The following RNF141 variants were observed in gnomAD, a reference collection of about 807,000 sequenced individuals.
RNF141 encodes the protein C3HC4-like zinc finger protein.
A neutral mutation model predicts 27.4 loss-of-function variants in RNF141; 18 were observed. The ratio of observed to expected loss-of-function variants is 0.66; its 90% CI spans 0.45 to 0.97. The LOEUF (loss-of-function observed/expected upper bound fraction) is 0.97. Among genes scored for constraint, RNF141 ranks in the 50% least tolerant of loss-of-function variants. The pLI, the probability that RNF141 is intolerant of heterozygous loss-of-function variation, is 0.00. For missense variants in RNF141, 230 were observed against 279.4 expected, an observed-to-expected ratio of 0.82 and a Z score of 1.26; for synonymous variants, 97 against 96.6, an observed-to-expected ratio of 1.00 and a Z score of -0.02.
intron 1 of RNF141, chr11:10,540,807 A>G (rs1311419618): frequency 2.0e-5 from 3 of 152,266 alleles, no homozygotes; most frequent in Non-Finnish European, 2.9e-5. Flanking sequence ...GCCGGCGGCA[A>G]TATTCAAACA....
chr11:10,539,701 A>ATATATATATATATATATATATAC (rs10524171), intron 1 of RNF141, among the ~76,000 whole-genome samples: 1 of 31,476 alleles, frequency 3.2e-5, no homozygotes, highest in Non-Finnish European at 7.2e-5. Context: ...CATATATATT[A>ATATATATATATATATATATATAC]GAGAGAGAAG....
At chr11:10,522,253 G>A (rs2133968006) in intron 4 of RNF141, among the ~76,000 whole-genome samples, 1 of 152,318 alleles carries the variant, frequency 6.6e-6, no homozygotes, top group African/African-American at 2.4e-5. Flanking sequence ...AACTGAATCT[G>A]TACAGAGTGA....
intron 3 of RNF141, among the ~76,000 whole-genome samples, chr11:10,530,015 T>C (rs983150297): frequency 2.0e-5 from 3 of 152,312 alleles, no homozygotes; most frequent in African/African-American, 7.2e-5. Flanking sequence ...ATGGTTTATA[T>C]GCATATGGAT....
In RNF141 at chr11:10,515,009, T is replaced by A. The variant is rs758726327; in HGVS notation, c.600A>T (p.Glu200Asp). The A allele has an allele frequency of 6.2e-7, 1 of 1,614,056 alleles. No homozygotes were observed. The highest frequency in any genetic ancestry group is 8.5e-7 in the Non-Finnish European group (1 of 1,179,940). Residue 200 changes from glutamate to aspartate, a missense_variant, in exon 6 of 6, where the codon GAA (glutamate) becomes GAT (aspartate). By Grantham distance (45) the Glu-to-Asp change is conservative (BLOSUM62 2). Transcript: ENST00000265981. Reference protein sequence around the residue: ...ICRLQMTGANESWVVSDAPTE... With the variant: ...ICRLQMTGANDSWVVSDAPTE... ...TGGGTGCATCTGATACCACCCAAGA[T>A]TCATTTGCTCCAGTCATCTGTAGGC...
At position 10,534,084 on chromosome 11, in the gene RNF141, C is replaced by G; in HGVS notation, c.75G>C (p.Thr25=). ...KLPEKVAKHV[T]LVRESGSLTY... is the part of the protein sequence containing the mutation. Reference sequence around the variant, plus strand: ...TTAAGGAGCCACTCTCTCGAACCAACGTAACATGTTTTGCTACTTTTTCTG... The same window carrying G: ...TTAAGGAGCCACTCTCTCGAACCAAGGTAACATGTTTTGCTACTTTTTCTG... Residue 25 remains threonine (T), a synonymous_variant, in exon 2 of 6, where the codon ACG becomes ACC. Coordinates refer to ENST00000265981, the MANE Select transcript of RNF141 (RefSeq NM_016422.4). 5.0e-6 allele frequency: 8 copies of G among 1,613,624 alleles called. No homozygotes were observed. Among genetic ancestry groups the G allele is most frequent in the Non-Finnish European group, 6.8e-6 (8 of 1,179,628 alleles).
At chr11:10,533,931 C>T (rs901893480) in intron 2 of RNF141, 85 bp downstream of exon 2, 32 of 1,244,572 alleles carry the variant, frequency 2.6e-5, no homozygotes, top group Non-Finnish European at 3.5e-5. Context: ...CAATCAACAC[C>T]TCTGGTTATA....
intron 5 of RNF141, chr11:10,516,819 C>T (rs1020084961): frequency 1.3e-5 from 2 of 152,150 alleles, no homozygotes; most frequent in Admixed American, 6.5e-5. Flanking sequence ...CTAAATACTG[C>T]TCTGGTCCTG....
At chr11:10,515,160 G>T in intron 5 of RNF141, 94 bp from the exon 6 acceptor site, 2 of 1,344,458 alleles carry the variant, frequency 1.5e-6, no homozygotes, top group Non-Finnish European at 2.0e-6. Flanking sequence ...TTTTAAAAAG[G>T]AAATAGCATA....
chr11:10,519,831 T>C (rs763285524), intron 4 of RNF141, among the ~76,000 whole-genome samples: 9 of 152,132 alleles, frequency 5.9e-5, no homozygotes, highest in Non-Finnish European at 1.3e-4. Flanking sequence ...TTGCTCTAGG[T>C]GAGTCAGTGA....
intron 1 of RNF141, among the ~76,000 whole-genome samples, chr11:10,536,891 AT>A (rs1479996545): frequency 1.3e-5 from 2 of 152,224 alleles, no homozygotes; most frequent in African/African-American, 4.8e-5. Context: ...ATGCTTTGCA[AT>A]GGTTAGGCCA....
chr11:10,513,959 A>C lies in RNF141; in HGVS notation c.*957T>G, dbSNP rs956196648. ...CCAAAGTGCTGGGATTACAGGTGTG[A>C]ACCACTGCACTGGCCTCTTGTCTCT... On this transcript the variant is annotated 3_prime_UTR_variant, in exon 6 of 6. Coordinates refer to ENST00000265981, the MANE Select transcript of RNF141 (RefSeq NM_016422.4). 2 of 152,230 alleles carry C rather than the reference A, an allele frequency of 1.3e-5. No homozygotes were observed. Among genetic ancestry groups the C allele is most frequent in the African/African-American group, 4.8e-5 (2 of 41,432 alleles). 9.4% of individuals were successfully genotyped at this position (152,230 alleles called of 1,614,324 possible).
Position 10,527,788 on chromosome 11 carries a change from C to G in RNF141, c.253-2415G>C, listed in dbSNP as rs536236515. Among the ~76,000 whole-genome samples the G allele has an allele frequency of 3.3e-5, 5 of 152,160 alleles. No homozygotes were observed. In the East Asian group the frequency reaches 9.7e-4, roughly 29 times the overall value. Reference sequence around the variant, plus strand: ...AGCAGGGCAAGAGAAGCAGGGAGATCAGTTAGGAGGCTACTGGAATAATCC... The same window carrying G: ...AGCAGGGCAAGAGAAGCAGGGAGATGAGTTAGGAGGCTACTGGAATAATCC... On this transcript the variant is annotated intron_variant, in intron 3 of 5. Coordinates refer to ENST00000265981, the MANE Select transcript of RNF141 (RefSeq NM_016422.4).
chr11:10,530,703 T>C lies in RNF141; in HGVS notation c.192A>G (p.Val64=). The part of the protein sequence containing the change: ...SGQEKHLLFE[V]QPGSDSSAFW... ...AAGCAGAGGAATCAGACCCAGGTTG[T>C]ACCTCAAAGAGAAGATGTTTTTCCT... The change falls in exon 3 of 6, where the codon GTA becomes GTG. Residue 64 remains valine (V), a synonymous_variant. Coordinates refer to ENST00000265981, the MANE Select transcript of RNF141 (RefSeq NM_016422.4). 6.2e-7 allele frequency: 1 copy of C among 1,611,036 alleles called. No individual in the cohort carries two copies. The highest frequency in any genetic ancestry group is 1.1e-5 in the South Asian group (1 of 90,730).
chr11:10,520,465 C>T (rs1849879661), intron 4 of RNF141, among the ~76,000 whole-genome samples: 1 of 152,188 alleles, frequency 6.6e-6, no homozygotes, highest in Non-Finnish European at 1.5e-5. Context: ...TCTTGTCCCA[C>T]TGGAAGGTCT....
At chr11:10,530,972 A>T (rs902782087) in intron 2 of RNF141, among the ~76,000 whole-genome samples, 2 of 152,208 alleles carry the variant, frequency 1.3e-5, no homozygotes, top group Admixed American at 6.5e-5. Flanking sequence ...TAAAGTCAAC[A>T]GCTTGGTGGC....
rs572886036 is a variant in RNF141 at position 10,528,781 on chromosome 11, C to T, written c.252+1862G>A. 1.2e-4 allele frequency among the ~76,000 whole-genome samples: 19 copies of T among 152,210 alleles called. 1 individual carries two copies. In the South Asian group the frequency reaches 3.7e-3, roughly 30 times the overall value. Reference sequence around the variant, plus strand: ...TTGTTCACTTAATATATACTGAGTTCCTACTATGTGTAAAGCACCGTATTA... The same window carrying T: ...TTGTTCACTTAATATATACTGAGTTTCTACTATGTGTAAAGCACCGTATTA... On this transcript the variant is annotated intron_variant, in intron 3 of 5. Coordinates refer to ENST00000265981, the MANE Select transcript of RNF141 (RefSeq NM_016422.4).
chr11:10,540,588 A>G (rs879933492), intron 1 of RNF141, among the ~76,000 whole-genome samples: 22 of 152,196 alleles, frequency 1.4e-4, no homozygotes, highest in African/African-American at 3.6e-4. Flanking sequence ...GCCTAAGCCA[A>G]TTCATAAGTG....
chr11:10,531,932 C>T (rs1455387219), intron 2 of RNF141: 6 of 423,288 alleles, frequency 1.4e-5, no homozygotes, highest in Admixed American at 2.8e-5. Context: ...CTACAGTTCT[C>T]GGAGATCACT....
In RNF141 at chr11:10,513,683, TTG is replaced by T. The variant is rs916182835; in HGVS notation, c.*1231_*1232del. 9.2e-6 allele frequency: 1 copy of T among 109,270 alleles called. No homozygotes were observed. Among genetic ancestry groups the T allele is most frequent in the African/African-American group, 3.8e-5 (1 of 26,492 alleles). The allele number at this position is 109,270 out of a possible 1,614,324, so 6.8% of individuals were successfully genotyped here. A position where few individuals can be genotyped will look rare whatever the true frequency, so the allele number is the denominator to read the frequency against. Reference sequence around the variant, plus strand: ...GGTAAAAAAGCCTCACTCTATTTTCTTGTGTTTTTTTTTTGATTAGGAGTCTC... The same window carrying T: ...GGTAAAAAAGCCTCACTCTATTTTCTTGTTTTTTTTTTGATTAGGAGTCTC... On this transcript the variant is annotated 3_prime_UTR_variant, in exon 6 of 6. Coordinates refer to ENST00000265981, the MANE Select transcript of RNF141 (RefSeq NM_016422.4).
Sources: allele counts gnomAD v4.1 joint callset (sites outside exome capture counted in the v4.1 genomes callset), GRCh38; gene constraint gnomAD v4.1.1; transcripts MANE v1.5; gene names NCBI Gene and HGNC (gene_info 2026-07-23, HGNC 2026-07-21).